Variants in NFIA observed in about 807,000 individuals in gnomAD.
NFIA encodes the protein nuclear factor I A.
In NFIA, 8 loss-of-function variants were observed where a neutral mutation model predicts 62.8. The ratio of observed to expected loss-of-function variants is 0.13; its 90% CI spans 0.07 to 0.23. The LOEUF (loss-of-function observed/expected upper bound fraction) is 0.23, where lower values mean the gene tolerates loss of function less well. Among genes scored for constraint, NFIA ranks in the 10% least tolerant of loss-of-function variants. The pLI, the probability that NFIA is intolerant of heterozygous loss-of-function variation, is 1.00. For synonymous variants in NFIA, 235 were observed against 238.1 expected, an observed-to-expected ratio of 0.99 and a Z score of 0.12; for missense variants, 410 against 642.1, an observed-to-expected ratio of 0.64 and a Z score of 3.91.
At chr1:61,224,820 G>A (rs903658026) in intron 2 of NFIA, among the ~76,000 whole-genome samples, 8 of 152,154 alleles carry the variant, frequency 5.3e-5, no homozygotes, top group Admixed American at 1.3e-4. Context: ...GCAAAGGGAT[G>A]TTCTAATAAA....
chr1:61,451,846 C>T (rs1024072644), intron 10 of NFIA, among the ~76,000 whole-genome samples: 5 of 152,216 alleles, frequency 3.3e-5, no homozygotes, highest in East Asian at 1.9e-4. Flanking sequence ...CTATAAAGTA[C>T]GAAGGCAGAA....
At chr1:61,244,231 G>A (rs1031743426) in intron 2 of NFIA, among the ~76,000 whole-genome samples, 8 of 152,186 alleles carry the variant, frequency 5.3e-5, no homozygotes, top group Admixed American at 3.9e-4. Flanking sequence ...TGACTGCTGC[G>A]ATAATAATTG....
intron 2 of NFIA, among the ~76,000 whole-genome samples, chr1:61,093,288 T>A (rs1646352299): frequency 6.6e-6 from 1 of 152,070 alleles, no homozygotes; most frequent in South Asian, 2.1e-4. Context: ...TTCCTGTGAT[T>A]TGTAATTATT....
intron 2 of NFIA, among the ~76,000 whole-genome samples, chr1:61,202,644 G>A (rs980997750): frequency 1.4e-4 from 22 of 152,088 alleles, no homozygotes; most frequent in South Asian, 4.1e-4. Context: ...AAGTCTATGC[G>A]CAGTTGTTAC....
intron 2 of NFIA, among the ~76,000 whole-genome samples, chr1:61,173,710 C>T (rs334717): frequency 0.85 from 128,981 of 152,076 alleles, 55,393 homozygotes; most frequent in Non-Finnish European, 0.92. Flanking sequence ...TTTATGTTTT[C>T]TCTCACCTCT....
intron 10 of NFIA, among the ~76,000 whole-genome samples, chr1:61,443,547 C>T (rs1295452413): frequency 6.6e-6 from 1 of 152,202 alleles, no homozygotes; most frequent in Non-Finnish European, 1.5e-5. Context: ...AATCTGGGTA[C>T]TGGGAATGCC....
intron 2 of NFIA, among the ~76,000 whole-genome samples, chr1:61,098,478 T>A (rs1040533244): frequency 3.3e-5 from 5 of 152,236 alleles, no homozygotes; most frequent in African/African-American, 1.2e-4. Context: ...TTCCTCCCCC[T>A]CTTCTTTTAA....
chr1:61,131,361 G>C (rs1397235592), intron 2 of NFIA, among the ~76,000 whole-genome samples: 1 of 152,118 alleles, frequency 6.6e-6, no homozygotes, highest in Non-Finnish European at 1.5e-5. Flanking sequence ...GTGAATAAAT[G>C]TGACAATTAC....
chr1:61,302,393 A>G (rs925065744), intron 3 of NFIA, among the ~76,000 whole-genome samples: 2 of 152,202 alleles, frequency 1.3e-5, no homozygotes, highest in South Asian at 2.1e-4. Flanking sequence ...GATTTATTTC[A>G]TCAGAGAGCA....
At chr1:61,160,422 C>G (rs1310430112) in intron 2 of NFIA, among the ~76,000 whole-genome samples, 1 of 152,202 alleles carries the variant, frequency 6.6e-6, no homozygotes, top group African/African-American at 2.4e-5. Flanking sequence ...GAGAAACTTT[C>G]TGAAGTGTCA....
intron 2 of NFIA, among the ~76,000 whole-genome samples, chr1:61,173,995 A>T (rs1278958010): frequency 6.6e-6 from 1 of 152,198 alleles, no homozygotes; most frequent in East Asian, 1.9e-4. Context: ...GTGAATAGAG[A>T]TAAATGCTAA....
At chr1:61,194,073 ATAAT>A (rs1651829611) in intron 2 of NFIA, among the ~76,000 whole-genome samples, 1 of 152,188 alleles carries the variant, frequency 6.6e-6, no homozygotes. Context: ...ATTTGACTTG[ATAAT>A]TAATTAATTT....
At chr1:61,248,414 C>G (rs187157560) in intron 2 of NFIA, among the ~76,000 whole-genome samples, 23 of 152,242 alleles carry the variant, frequency 1.5e-4, no homozygotes, top group African/African-American at 5.5e-4. Context: ...GGTAGGGTTT[C>G]AGGCTTTCTG....
intron 2 of NFIA, among the ~76,000 whole-genome samples, chr1:61,126,733 T>C (rs1188537329): frequency 1.3e-5 from 2 of 151,420 alleles, no homozygotes; most frequent in Non-Finnish European, 2.9e-5. Context: ...TTAGCCTATA[T>C]GTGAATTTTT....
intron 2 of NFIA, among the ~76,000 whole-genome samples, chr1:61,248,682 A>G (rs574875100): frequency 2.6e-5 from 4 of 152,300 alleles, no homozygotes; most frequent in Admixed American, 1.3e-4. Flanking sequence ...TTAAATACCA[A>G]CTTAAATAAG....
chr1:61,359,346 C>T (rs549636058), intron 6 of NFIA, 72 bp downstream of exon 6: 11 of 1,597,730 alleles, frequency 6.9e-6, no homozygotes, highest in Middle Eastern at 2.3e-4. Flanking sequence ...TCCCATGCCA[C>T]GCATAAAAGT....
At chr1:61,413,810 T>C (rs914548666) in intron 9 of NFIA, among the ~76,000 whole-genome samples, 1 of 151,426 alleles carries the variant, frequency 6.6e-6, no homozygotes, top group Non-Finnish European at 1.5e-5. Context: ...TATTTTTTAG[T>C]GGAGACAGGG....
At chr1:61,329,574 G>A (rs1661179001) in intron 3 of NFIA, among the ~76,000 whole-genome samples, 1 of 151,622 alleles carries the variant, frequency 6.6e-6, no homozygotes, top group South Asian at 2.1e-4. Context: ...GTAGAGACGG[G>A]TTTCACTATG....
At chr1:61,333,047 G>GCGCA (rs1553174120) in intron 4 of NFIA, among the ~76,000 whole-genome samples, 15 of 144,788 alleles carry the variant, frequency 1.0e-4, no homozygotes, top group Non-Finnish European at 2.1e-4. Context: ...TAGCATGCAC[G>GCGCA]CACACACACA....
Sources: gnomAD v4.1 joint callset for allele counts (sites outside exome capture counted in the v4.1 genomes callset) on GRCh38, gnomAD v4.1.1 for gene constraint, MANE v1.5 for transcripts, NCBI Gene and HGNC (gene_info 2026-07-23, HGNC 2026-07-21) for gene names.